Variants in GPR83 observed in about 807,000 individuals in gnomAD.
GPR83 encodes G-protein coupled receptor 72.
In GPR83, 23 loss-of-function variants were observed where a neutral mutation model predicts 28.0. The observed-to-expected ratio is 0.82, with a 90% CI of 0.59 to 1.16. The LOEUF is 1.16. Ranked by LOEUF, GPR83 falls within the 50% of genes most tolerant of loss-of-function variation. The pLI is 0.00. For missense variants in GPR83, 610 were observed against 536.6 expected (o/e 1.14, Z -1.35); for synonymous variants, 234 against 215.4 (o/e 1.09, Z -0.76).
chr11:94,385,190 C>T (rs1418197686), intron 3 of GPR83, among the ~76,000 whole-genome samples: 1 of 152,172 alleles, frequency 6.6e-6, no homozygotes, highest in Non-Finnish European at 1.5e-5. Context: ...CACCAAAACC[C>T]CATCTGTACG....
intron 2 of GPR83, among the ~76,000 whole-genome samples, chr11:94,394,496 T>A (rs989350247): frequency 1.3e-5 from 2 of 152,192 alleles, no homozygotes; most frequent in Admixed American, 6.5e-5. Context: ...CATTTTCAGA[T>A]GAGAAACATT....
intron 3 of GPR83, among the ~76,000 whole-genome samples, chr11:94,385,698 C>T (rs951206400): frequency 1.2e-4 from 18 of 151,992 alleles, no homozygotes; most frequent in South Asian, 6.3e-4. Context: ...TGGGACTATG[C>T]GAAAAGACCA....
intron 2 of GPR83, among the ~76,000 whole-genome samples, chr11:94,394,366 C>G (rs1015824510): frequency 6.6e-6 from 1 of 152,222 alleles, no homozygotes; most frequent in Non-Finnish European, 1.5e-5. Flanking sequence ...AGCTCTCACA[C>G]ACCTACAATA....
intron 2 of GPR83, among the ~76,000 whole-genome samples, chr11:94,396,142 C>T (rs1355338413): frequency 1.3e-5 from 2 of 152,172 alleles, no homozygotes; most frequent in Non-Finnish European, 2.9e-5. Flanking sequence ...TTTGCTTGAA[C>T]CCAGGAGGCG....
chr11:94,392,548 G>A (rs181686596), intron 3 of GPR83, among the ~76,000 whole-genome samples: 98 of 152,260 alleles, frequency 6.4e-4, no homozygotes, highest in African/African-American at 2.3e-3. Flanking sequence ...TATGGGGCCA[G>A]GCGTGGTGGC....
At chr11:94,392,179 T>C (rs941013514) in intron 3 of GPR83, among the ~76,000 whole-genome samples, 2 of 152,042 alleles carry the variant, frequency 1.3e-5, no homozygotes, top group Non-Finnish European at 2.9e-5. Context: ...TGCGGGGACA[T>C]GGATGAAGCT....
At position 94,380,765 on chromosome 11, in the gene GPR83, A is replaced by G. The variant is rs745390114; in HGVS notation, c.656T>C (p.Ile219Thr). Residue 219 changes from isoleucine to threonine, a missense_variant, in exon 4 of 4, where the codon ATT becomes ACT. Ile to Thr is a moderately conservative substitution (Grantham distance 89). Transcript: ENST00000243673. ...GTCTGGCAGGCAGAGGGAGCGCACA[A>G]TGTCCTCACTGGGGGCAGGAAGTGG... is the stretch of plus-strand genomic sequence containing the variant. ...KLFTFKYSED[I>T]VRSLCLPDFP... 1.4e-5 allele frequency: 23 copies of G among 1,608,038 alleles called. No individual in the cohort carries two copies. The highest frequency in any genetic ancestry group is 3.3e-5 in the Admixed American group (2 of 59,864).
At chr11:94,385,993 G>T (rs567311350) in intron 3 of GPR83, among the ~76,000 whole-genome samples, 2 of 152,302 alleles carry the variant, frequency 1.3e-5, no homozygotes, top group East Asian at 1.9e-4. Context: ...GACTAACAGT[G>T]GATCTCTTGG....
chr11:94,391,428 A>G (rs368768315), intron 3 of GPR83, among the ~76,000 whole-genome samples: 2 of 152,206 alleles, frequency 1.3e-5, no homozygotes, highest in South Asian at 2.1e-4. Context: ...TTCATGTCTA[A>G]AATACCAAAA....
chr11:94,388,707 G>A (rs1482406930), intron 3 of GPR83, among the ~76,000 whole-genome samples: 58 of 152,240 alleles, frequency 3.8e-4, no homozygotes, highest in Middle Eastern at 3.4e-3. Flanking sequence ...TTCCATGCTC[G>A]TGGGTAGGAA....
Position 94,401,143 on chromosome 11 carries a change from C to G in GPR83, c.105G>C (p.Val35=). 6.2e-7 allele frequency: 1 copy of G among 1,614,172 alleles called. No individual in the cohort carries two copies. The highest frequency in any genetic ancestry group is 8.5e-7 in the Non-Finnish European group (1 of 1,180,026). The change falls in exon 1 of 4, where the codon GTG becomes GTC. Residue 35 remains valine, a synonymous_variant. Coordinates refer to ENST00000243673, the MANE Select transcript of GPR83 (RefSeq NM_016540.4). ...DEQSAEAALA[V]PNASHFFSWN... ...AAGAGAAGAAGTGCGAGGCATTGGG[C>G]ACGGCCAGGGCCGCCTCCGCGCTCT...
At position 94,379,194 on chromosome 11, in the gene GPR83, ACC is replaced by A. The variant is rs1015098972; in HGVS notation, c.*953_*954del. The A allele has an allele frequency of 6.6e-6, 1 of 152,022 alleles. No homozygotes were observed. Among genetic ancestry groups the A allele is most frequent in the Non-Finnish European group, 1.5e-5 (1 of 68,120 alleles). The allele number at this position is 152,022 out of a possible 1,614,324, so 9.4% of individuals were successfully genotyped here. On this transcript the variant is annotated 3_prime_UTR_variant, in exon 4 of 4. Coordinates refer to ENST00000243673, the MANE Select transcript of GPR83 (RefSeq NM_016540.4). ...AGACCATCCTGGCTAACACGGTGAAACCCCGTCTCTACTAAAAATGCAAAAGA... is the reference window on the plus strand; with the variant it reads ...AGACCATCCTGGCTAACACGGTGAAACCGTCTCTACTAAAAATGCAAAAGA...
In GPR83 at chr11:94,396,707, A is replaced by G. The variant is rs541938895; in HGVS notation, c.388-183T>C. Among the ~76,000 whole-genome samples the G allele has an allele frequency of 8.4e-4, 128 of 152,214 alleles. 2 individuals carry two copies. The highest frequency in any genetic ancestry group is 2.9e-3 in the African/African-American group (121 of 41,532). ...AGCACAACTCATTTTCATTCATTCAATTCAACAAACCCTGATCATGCTTCT... is the reference window on the plus strand; with the variant it reads ...AGCACAACTCATTTTCATTCATTCAGTTCAACAAACCCTGATCATGCTTCT... On this transcript the variant is annotated intron_variant, in intron 1 of 3. Coordinates refer to ENST00000243673, the MANE Select transcript of GPR83 (RefSeq NM_016540.4).
At position 94,378,046 on chromosome 11, in the gene GPR83, C is replaced by A. The variant is rs1353331274; in HGVS notation, c.*2103G>T. 6.6e-6 allele frequency: 1 copy of A among 152,050 alleles called. No homozygotes were observed. The highest frequency in any genetic ancestry group is 1.5e-5 in the Non-Finnish European group (1 of 68,006). The allele number at this position is 152,050 out of a possible 1,614,324, so 9.4% of individuals were successfully genotyped here. A position where few individuals can be genotyped will look rare whatever the true frequency, so the allele number is the denominator to read the frequency against. ...AACCATTAGCTACTTCTTGACACAC[C>A]ACAGAGACAATAAGTACAGGCACAT... is the stretch of plus-strand genomic sequence containing the variant. On this transcript the variant is annotated 3_prime_UTR_variant, in exon 4 of 4. Coordinates refer to ENST00000243673, the MANE Select transcript of GPR83 (RefSeq NM_016540.4).
chr11:94,400,277 G>T (rs960364847), intron 1 of GPR83, among the ~76,000 whole-genome samples: 4 of 152,102 alleles, frequency 2.6e-5, no homozygotes, highest in African/African-American at 7.2e-5. Context: ...AGATTAAACA[G>T]GAAATGGTCA....
rs1471422727 is a variant in GPR83, at chr11:94,380,436, C to T, written c.985G>A (p.Ala329Thr). Reference protein sequence around the residue: ...VIRTNNALYFAFHWFAMSSTC... With the variant: ...VIRTNNALYFTFHWFAMSSTC... ...CTGCTCATGGCAAACCAGTGGAAGG[C>T]AAAGTAGAGGGCATTGTTGGTGCGG... Residue 329 changes from alanine (A) to threonine (T), a missense_variant, in exon 4 of 4, where the codon GCC (alanine) becomes ACC (threonine). By Grantham distance (58) the Ala-to-Thr change is moderately conservative. Transcript: ENST00000243673. 6.2e-7 allele frequency: 1 copy of T among 1,614,142 alleles called. No individual in the cohort carries two copies. Among genetic ancestry groups the T allele is most frequent in the East Asian group, 2.2e-5 (1 of 44,874 alleles).
intron 3 of GPR83, among the ~76,000 whole-genome samples, chr11:94,383,924 T>C (rs1261646360): frequency 1.3e-5 from 2 of 152,330 alleles, no homozygotes; most frequent in Admixed American, 6.5e-5. Flanking sequence ...GCTGGTACCA[T>C]TCCTTCTGAA....
intron 3 of GPR83, among the ~76,000 whole-genome samples, chr11:94,384,841 G>A (rs1237938016): frequency 3.3e-5 from 5 of 152,198 alleles, no homozygotes; most frequent in Non-Finnish European, 7.3e-5. Context: ...TGACAGCTTG[G>A]AAGACAGTAG....
intron 3 of GPR83, among the ~76,000 whole-genome samples, chr11:94,383,681 T>G (rs1219339182): frequency 2.6e-5 from 4 of 152,012 alleles, no homozygotes; most frequent in African/African-American, 9.7e-5. Context: ...AAATACAAAC[T>G]CCGATCACAG....
Sources: allele counts gnomAD v4.1 joint callset (sites outside exome capture counted in the v4.1 genomes callset), GRCh38; gene constraint gnomAD v4.1.1; transcripts MANE v1.5; gene names NCBI Gene and HGNC (gene_info 2026-07-23, HGNC 2026-07-21).